WDFY4: variants seen among roughly 807,000 people sequenced by gnomAD.
The protein encoded by WDFY4 is WDFY family member 4, also known as WD repeat- and FYVE domain-containing protein 4.
WDFY4 carries 169 observed loss-of-function variants against 351.9 expected under a neutral mutation model. That is an observed-to-expected ratio of 0.48 (90% CI 0.42 to 0.55). The LOEUF (loss-of-function observed/expected upper bound fraction) is 0.55. Among genes scored for constraint, WDFY4 ranks in the 20% least tolerant of loss-of-function variants. WDFY4 has a pLI of 0.00. For synonymous variants in WDFY4, 1,622 were observed against 1,574.6 expected (o/e 1.03, Z -0.71); for missense variants, 3,803 against 3,935.6 (o/e 0.97, Z 0.90).
chr10:48,977,702 G>A (rs1201658455), intron 59 of WDFY4, among the ~76,000 whole-genome samples: 1 of 152,234 alleles, frequency 6.6e-6, no homozygotes, highest in African/African-American at 2.4e-5. Flanking sequence ...GGTCTTCTGT[G>A]CACTCAGCAC....
intron 22 of WDFY4, 100 bp downstream of exon 22, chr10:48,790,085 T>C: frequency 1.7e-6 from 2 of 1,209,880 alleles, no homozygotes; most frequent in Non-Finnish European, 2.4e-6. Context: ...CAGGATGGAG[T>C]GTGCCAGGGA....
At chr10:48,856,318 C>T (rs1022103865) in intron 39 of WDFY4, among the ~76,000 whole-genome samples, 1 of 152,086 alleles carries the variant, frequency 6.6e-6, no homozygotes, top group African/African-American at 2.4e-5. Context: ...GATATTGTTT[C>T]AGATTCCACA....
chr10:48,727,728 G>T lies in WDFY4; in HGVS notation c.971+69G>T, dbSNP rs145005835. ...AGCCTTAGTCCTCAGAATCATTGGG[G>T]TGCTTTGCAGAAAAATAGATATAGC... On this transcript the variant is annotated intron_variant, in intron 7 of 61. Transcript: ENST00000325239. The T allele has an allele frequency of 1.2e-4, 184 of 1,509,010 alleles. No homozygotes were observed. In the African/African-American group the frequency reaches 2.1e-3, roughly 17 times the overall value. 93.5% of individuals were successfully genotyped at this position (1,509,010 alleles called of 1,614,324 possible).
chr10:48,956,394 A>AGG (rs1841591041), intron 51 of WDFY4, among the ~76,000 whole-genome samples: 1 of 152,152 alleles, frequency 6.6e-6, no homozygotes, highest in Non-Finnish European at 1.5e-5. Context: ...ATCGAAGCCA[A>AGG]GACCCCTGGT....
rs552043231 is a variant in WDFY4, at chr10:48,946,059, C to T, written c.7769C>T (p.Pro2590Leu). 38 of 1,544,690 alleles carry T rather than the reference C, an allele frequency of 2.5e-5. No individual in the cohort carries two copies. Among genetic ancestry groups the T allele is most frequent in the Middle Eastern group, 1.7e-4 (1 of 5,980 alleles). Residue 2590 changes from proline (P) to leucine (L), a missense_variant, in exon 50 of 62, where the codon CCG (proline) becomes CTG (leucine). Around this residue, in one of 3 missense-constraint regions of WDFY4, gnomAD observed 3,054 missense variants for 3,148.6 expected, o/e 0.97. Transcript: ENST00000325239. ...TTCTAGACATTGAACTTGGCAAATC[C>T]GAAGATTTTCCGGGATCTTTCAAAG... ...YTSETLNLAN[P>L]KIFRDLSKPM...
rs1842860732 is a variant in WDFY4 at position 48,982,770 on chromosome 10, G to A, written c.*195G>A. ...CCGATGGGACTTCTATGAAAAGGATGAGCACACACACTCGGAGGGCTGAGC... is the reference window on the plus strand; with the variant it reads ...CCGATGGGACTTCTATGAAAAGGATAAGCACACACACTCGGAGGGCTGAGC... On this transcript the variant is annotated 3_prime_UTR_variant, in exon 62 of 62. Coordinates refer to ENST00000325239, the MANE Select transcript of WDFY4 (RefSeq NM_001394531.1). 1.6e-6 allele frequency: 1 copy of A among 623,048 alleles called. No individual in the cohort carries two copies. The highest frequency in any genetic ancestry group is 3.1e-6 in the Non-Finnish European group (1 of 327,668). 38.6% of individuals were successfully genotyped at this position (623,048 alleles called of 1,614,324 possible). A position where few individuals can be genotyped will look rare whatever the true frequency, so the allele number is the denominator to read the frequency against.
At chr10:48,878,532 A>G (rs1432776078) in intron 43 of WDFY4, 1 of 152,336 alleles carries the variant, frequency 6.6e-6, no homozygotes, top group Admixed American at 6.5e-5. Flanking sequence ...CTGTCCTTAT[A>G]CCTGCATAAC....
intron 7 of WDFY4, among the ~76,000 whole-genome samples, chr10:48,728,978 C>T (rs1020200102): frequency 5.9e-5 from 9 of 152,212 alleles, no homozygotes; most frequent in African/African-American, 2.2e-4. Context: ...TGCCCTTCTC[C>T]ACAAGAGGAG....
rs1409181163 is a variant in WDFY4 at position 48,910,952 on chromosome 10, G to A, written c.7586+9089G>A. 5 of 978,278 alleles carry A rather than the reference G, an allele frequency of 5.1e-6. No homozygotes were observed. The African/African-American group carries it at 7.0e-5, about 14-fold the overall frequency. 60.6% of individuals were successfully genotyped at this position (978,278 alleles called of 1,614,324 possible). On this transcript the variant is annotated intron_variant, in intron 47 of 61. Transcript: ENST00000325239. Reference sequence around the variant, plus strand: ...CTGAACCTTTTGAATACCTAAGGAGGGAAAATTAATTCTAAAGAAAAAGTG... The same window carrying A: ...CTGAACCTTTTGAATACCTAAGGAGAGAAAATTAATTCTAAAGAAAAAGTG...
At chr10:48,846,649 T>C (rs866123648) in intron 39 of WDFY4, among the ~76,000 whole-genome samples, 11 of 152,244 alleles carry the variant, frequency 7.2e-5, no homozygotes, top group Admixed American at 3.3e-4. Context: ...ATGTTGGTAT[T>C]GACCAGTTTA....
rs372086924 is a variant in WDFY4, at chr10:48,807,865, G to T, written c.4745G>T (p.Ser1582Ile). 37 of 1,551,512 alleles carry T rather than the reference G, an allele frequency of 2.4e-5. No individual in the cohort carries two copies. The African/African-American group carries it at 4.9e-4, about 21-fold the overall frequency. ...TCTGAATTCTTTTTTGTAGCTGGAA[G>T]CCAAACATCTGGAAAGACAATCTGG... is the stretch of plus-strand genomic sequence containing the variant. ...GALDPSLPAGSQTSGKTIWLR... is the reference protein window; with the variant it reads ...GALDPSLPAGIQTSGKTIWLR... The change falls in exon 28 of 62, where the codon AGC (serine) becomes ATC (isoleucine). Residue 1582 changes from serine to isoleucine, a missense_variant. Physicochemically the swap from Ser to Ile is moderately radical, Grantham distance 142. Transcript: ENST00000325239.
At chr10:48,910,209 T>C (rs1589855428) in intron 47 of WDFY4, 2 of 1,554,422 alleles carry the variant, frequency 1.3e-6, no homozygotes, top group Non-Finnish European at 8.9e-7. Context: ...GTTAGCTGAG[T>C]AGTCTTCAAG....
intron 12 of WDFY4, among the ~76,000 whole-genome samples, chr10:48,756,348 T>C (rs2065335664): frequency 6.6e-6 from 1 of 152,076 alleles, no homozygotes. Flanking sequence ...TGGTTAACTT[T>C]TGTATGTCGA....
In WDFY4 at chr10:48,743,097, G is replaced by A; in HGVS notation, c.2008G>A (p.Gly670Arg). The stretch of plus-strand genomic sequence containing the variant: ...CCAGGAGCCCCCGCTGCAGGCATGG[G>A]GAGCAGTATCCCCCAGACAGACCCT... ...SLQEPPLQAW[G>R]AVSPRQTLEL... is the part of the protein sequence containing the mutation. Residue 670 changes from glycine to arginine, a missense_variant, in exon 12 of 62, where the codon GGA (glycine) becomes AGA (arginine). By Grantham distance (125) the Gly-to-Arg change is moderately radical. Transcript: ENST00000325239. 1 of 1,551,714 alleles carries A rather than the reference G, an allele frequency of 6.4e-7. No individual in the cohort carries two copies.
intron 1 of WDFY4, among the ~76,000 whole-genome samples, chr10:48,703,634 G>A (rs2063541585): frequency 6.6e-6 from 1 of 152,124 alleles, no homozygotes; most frequent in Non-Finnish European, 1.5e-5. Context: ...CAGCTTCTTG[G>A]CATCTTAGCT....
At chr10:48,914,310 T>C in intron 47 of WDFY4, 3 of 790,038 alleles carry the variant, frequency 3.8e-6, no homozygotes, top group Non-Finnish European at 5.8e-6. Context: ...CGCTTTGCTC[T>C]TCAGTGGTTT....
intron 20 of WDFY4, among the ~76,000 whole-genome samples, chr10:48,787,858 T>TTCTTCTTCTTCTTCTTC (rs1206154453): frequency 1.5e-5 from 1 of 66,076 alleles, no homozygotes; most frequent in African/African-American, 9.8e-5. Context: ...CTTCTTCTTC[T>TTCTTCTTCTTCTTCTTC]TTCTTCTTCT....
rs773642948 is a variant in WDFY4, at chr10:48,946,089, T to TG, written c.7804dup (p.Ala2602GlyfsTer15). On this transcript the variant is annotated frameshift_variant, in exon 50 of 62. Transcript: ENST00000325239. LOFTEE classifies it high-confidence loss of function. ...ATTTTCCGGGATCTTTCAAAGCCCA[T>TG]GGGGGCTCAGACCAAGGAAAGGAAG... 6.5e-7 allele frequency: 1 copy of TG among 1,548,642 alleles called. No homozygotes were observed. The highest frequency in any genetic ancestry group is 1.2e-5 in the South Asian group (1 of 83,144).
At chr10:48,963,001 C>A (rs1228670020) in intron 53 of WDFY4, among the ~76,000 whole-genome samples, 1 of 152,182 alleles carries the variant, frequency 6.6e-6, no homozygotes, top group Non-Finnish European at 1.5e-5. Context: ...AGAAGATGCC[C>A]ACACCCATGT....
Sources: gnomAD v4.1 joint callset for allele counts (sites outside exome capture counted in the v4.1 genomes callset) on GRCh38, gnomAD v4.1.1 for gene constraint, gnomAD v4.1.1 regional missense constraint, MANE v1.5 for transcripts, NCBI Gene and HGNC (gene_info 2026-07-23, HGNC 2026-07-21) for gene names.